Variants in ZNF69 observed in about 807,000 individuals in gnomAD.
The protein encoded by ZNF69 is zinc finger protein 69.
In ZNF69, 47 loss-of-function variants were observed where a neutral mutation model predicts 50.9. The ratio of observed to expected loss-of-function variants is 0.92; its 90% confidence interval spans 0.73 to 1.18. The LOEUF (loss-of-function observed/expected upper bound fraction) is 1.18. Ranked by LOEUF, ZNF69 falls within the 50% of genes most tolerant of loss-of-function variation. ZNF69 has a pLI of 0.00. For synonymous variants in ZNF69, 216 were observed against 223.1 expected (o/e 0.97, Z 0.29); for missense variants, 717 against 675.1 (o/e 1.06, Z -0.69).
chr19:11,949,619 G>T, the ZNF69 span: 1 of 1,613,658 alleles, frequency 6.2e-7, no homozygotes, highest in Non-Finnish European at 8.5e-7. Context: ...ACTCACACTG[G>T]AGAGAAACCC....
the ZNF69 span, among the ~76,000 whole-genome samples, chr19:11,920,839 A>G: frequency 2.6e-5 from 4 of 152,320 alleles, no homozygotes; most frequent in South Asian, 4.1e-4. Context: ...AACTTGTTCA[A>G]TTCAAGAGTG....
the ZNF69 span, among the ~76,000 whole-genome samples, chr19:11,945,612 G>A: frequency 3.9e-5 from 6 of 152,098 alleles, no homozygotes; most frequent in African/African-American, 1.4e-4. Flanking sequence ...TTGGTTGACT[G>A]CCAGCCCTGG....
At chr19:11,913,299 T>A in intron 4 of ZNF69, 1 of 528,766 alleles carries the variant, frequency 1.9e-6, no homozygotes, top group South Asian at 2.9e-5. Context: ...AGTATAACCA[T>A]GTGGATAAAA....
the ZNF69 span, among the ~76,000 whole-genome samples, chr19:11,935,154 C>T: frequency 3.6e-3 from 435 of 121,904 alleles, 22 homozygotes; most frequent in African/African-American, 0.014. Context: ...CCAGCCTGGG[C>T]GACAGAGCGA....
At chr19:11,895,584 G>A (rs997418412) in intron 1 of ZNF69, among the ~76,000 whole-genome samples, 5 of 152,226 alleles carry the variant, frequency 3.3e-5, no homozygotes, top group South Asian at 2.1e-4. Context: ...CAGGGAGGTG[G>A]TCACCAGAAT....
chr19:11,950,603 G>A, the ZNF69 span: 1 of 435,110 alleles, frequency 2.3e-6, no homozygotes. Flanking sequence ...TTCACACTTG[G>A]GAGAAACTCT....
At chr19:11,971,144 A>G in the ZNF69 span, among the ~76,000 whole-genome samples, 1 of 152,144 alleles carries the variant, frequency 6.6e-6, no homozygotes, top group African/African-American at 2.4e-5. Flanking sequence ...TTAAAGAATA[A>G]ACATTTGTTT....
the ZNF69 span, among the ~76,000 whole-genome samples, chr19:11,944,867 T>A: frequency 1.3e-5 from 2 of 152,196 alleles, no homozygotes; most frequent in Non-Finnish European, 2.9e-5. Flanking sequence ...TTGAAGTGAC[T>A]CCTGGCCTAG....
the ZNF69 span, among the ~76,000 whole-genome samples, chr19:11,955,498 A>G: frequency 1.3e-5 from 2 of 150,386 alleles, no homozygotes; most frequent in Non-Finnish European, 2.9e-5. Flanking sequence ...GGCTTAAGCT[A>G]TCCTTCCACC....
the ZNF69 span, among the ~76,000 whole-genome samples, chr19:11,973,991 G>A: frequency 6.6e-6 from 1 of 152,156 alleles, no homozygotes. Flanking sequence ...GGAAGTGTCA[G>A]TGTTTGGGAT....
chr19:11,977,530 A>G, the ZNF69 span: 25 of 1,402,574 alleles, frequency 1.8e-5, no homozygotes, highest in Non-Finnish European at 2.5e-5. Context: ...CCAGTATCAA[A>G]TTCATCTCTT....
chr19:11,978,647 T>C, the ZNF69 span: 4 of 1,614,074 alleles, frequency 2.5e-6, no homozygotes, highest in Non-Finnish European at 3.4e-6. Context: ...GTTATTCTGC[T>C]ACCCATCGAA....
Position 11,906,596 on chromosome 19 carries a change from G to A in ZNF69, c.*498G>A, listed in dbSNP as rs912911407. 4.6e-5 allele frequency among the ~76,000 whole-genome samples: 7 copies of A among 152,156 alleles called. No homozygotes were observed. The highest frequency in any genetic ancestry group is 1.7e-4 in the African/African-American group (7 of 41,430). ...AGTGGACCTCAAGCAAAATCCAACA[G>A]ACCTCAGCTGAGGGTCCTGACTGTT... is the stretch of plus-strand genomic sequence containing the variant. On this transcript the variant is annotated 3_prime_UTR_variant, in exon 4 of 4. Coordinates refer to ENST00000429654, the MANE Select transcript of ZNF69 (RefSeq NM_001364730.1).
chr19:11,892,265 C>T (rs1173403277), intron 1 of ZNF69, among the ~76,000 whole-genome samples: 2 of 151,834 alleles, frequency 1.3e-5, no homozygotes, highest in African/African-American at 4.8e-5. Context: ...CAGACGTTAG[C>T]CAGTGCACCT....
At chr19:11,966,507 G>A in the ZNF69 span, among the ~76,000 whole-genome samples, 1 of 152,128 alleles carries the variant, frequency 6.6e-6, no homozygotes, top group African/African-American at 2.4e-5. Flanking sequence ...CTGAGTAGCT[G>A]GGATTACAGA....
chr19:11,947,484 C>T, the ZNF69 span: 20 of 1,609,902 alleles, frequency 1.2e-5, no homozygotes, highest in Non-Finnish European at 1.7e-5. Context: ...TATACTGCTT[C>T]AGGACTATTT....
the ZNF69 span, among the ~76,000 whole-genome samples, chr19:11,963,088 A>AGAGAGAGAGAGTGTGTGT: frequency 3.6e-3 from 492 of 138,284 alleles, 3 homozygotes; most frequent in African/African-American, 0.013. Context: ...AGAGAGAGAG[A>AGAGAGAGAGAGTGTGTGT]GTGTGTGTGT....
At chr19:11,975,013 C>T in the ZNF69 span, among the ~76,000 whole-genome samples, 1 of 152,082 alleles carries the variant, frequency 6.6e-6, no homozygotes, top group African/African-American at 2.4e-5. Flanking sequence ...CATAAGTTCT[C>T]TAAGATGAAT....
At chr19:11,970,270 C>T in the ZNF69 span, among the ~76,000 whole-genome samples, 1 of 152,180 alleles carries the variant, frequency 6.6e-6, no homozygotes, top group African/African-American at 2.4e-5. Flanking sequence ...AAAGGCCACT[C>T]CAACAAGGAT....
Sources: gnomAD v4.1 joint callset for allele counts (sites outside exome capture counted in the v4.1 genomes callset) on GRCh38, gnomAD v4.1.1 for gene constraint, MANE v1.5 for transcripts, NCBI Gene and HGNC (gene_info 2026-07-23, HGNC 2026-07-21) for gene names.